Variants in ADCY1 observed in about 807,000 individuals in gnomAD.
The protein encoded by ADCY1 is adenylate cyclase type 1.
Under a neutral mutation model 105.4 loss-of-function variants are expected in ADCY1, and 28 were observed. The ratio of observed to expected loss-of-function variants is 0.27; its 90% CI spans 0.20 to 0.36. ADCY1 has a LOEUF of 0.36. ADCY1 is among the 10% of genes least tolerant of loss of function. The pLI is 1.00. For missense variants in ADCY1, 977 were observed against 1,434.2 expected, an observed-to-expected ratio of 0.68 and a Z score of 5.15; for synonymous variants, 655 against 623.8, an observed-to-expected ratio of 1.05 and a Z score of -0.75.
intron 8 of ADCY1, among the ~76,000 whole-genome samples, chr7:45,673,876 C>T (rs937259758): frequency 6.8e-6 from 1 of 148,116 alleles, no homozygotes; most frequent in South Asian, 2.1e-4. Context: ...TTTCTTTTTT[C>T]TTATGTAAGT....
intron 4 of ADCY1, 83 bp from the exon 5 acceptor site, chr7:45,648,587 T>C: frequency 6.4e-7 from 1 of 1,562,880 alleles, no homozygotes; most frequent in Admixed American, 1.7e-5. Context: ...TGGCCACCAG[T>C]GTCTAGAGGT....
upstream of ADCY1, chr7:45,574,198 G>A: frequency 1.0e-6 from 1 of 953,566 alleles, no homozygotes; most frequent in Non-Finnish European, 1.2e-6. The surrounding 1 kb of genome is among the most constrained non-coding windows in gnomAD (Gnocchi z 7.0). Context: ...GGTACTCGAG[G>A]TCACGCGGCT....
intron 8 of ADCY1, among the ~76,000 whole-genome samples, chr7:45,663,384 A>C (rs1441114573): frequency 2.0e-5 from 3 of 152,128 alleles, no homozygotes; most frequent in Admixed American, 6.5e-5. Flanking sequence ...ACAGACTGGG[A>C]CCACCTCAAA....
chr7:45,644,320 T>C (rs1321380249), intron 4 of ADCY1, among the ~76,000 whole-genome samples: 1 of 152,212 alleles, frequency 6.6e-6, no homozygotes, highest in Non-Finnish European at 1.5e-5. Context: ...CTTCTAGACG[T>C]TACCTCTGTG....
intron 3 of ADCY1, among the ~76,000 whole-genome samples, chr7:45,619,336 A>G (rs1382874137): frequency 1.3e-5 from 2 of 152,096 alleles, no homozygotes; most frequent in Non-Finnish European, 2.9e-5. Flanking sequence ...ATTTATTGCA[A>G]TTTTCAAGTA....
intron 5 of ADCY1, among the ~76,000 whole-genome samples, chr7:45,652,673 G>A (rs1384291420): frequency 6.6e-6 from 1 of 152,218 alleles, no homozygotes; most frequent in East Asian, 1.9e-4. Flanking sequence ...GAAGAGTCTA[G>A]GACCCGTTTT....
In ADCY1 at chr7:45,719,778, G is replaced by T. The variant is rs1259947634; in HGVS notation, c.*5783G>T. On this transcript the variant is annotated 3_prime_UTR_variant, in exon 20 of 20. Coordinates refer to ENST00000297323, the MANE Select transcript of ADCY1 (RefSeq NM_021116.4). The stretch of plus-strand genomic sequence containing the variant: ...TTGAATACAGTCAGATAACTGCCAC[G>T]CAGGGCATTTGGGGAACCATCCCCG... 6.6e-6 allele frequency: 1 copy of T among 152,190 alleles called. No homozygotes were observed. Among genetic ancestry groups the T allele is most frequent in the East Asian group, 1.9e-4 (1 of 5,184 alleles). The allele number at this position is 152,190 out of a possible 1,614,324, so 9.4% of individuals were successfully genotyped here. A position where few individuals can be genotyped will look rare whatever the true frequency, so the allele number is the denominator to read the frequency against.
intron 3 of ADCY1, among the ~76,000 whole-genome samples, chr7:45,614,101 C>G (rs1009921163): frequency 6.6e-6 from 1 of 152,036 alleles, no homozygotes; most frequent in African/African-American, 2.4e-5. Flanking sequence ...TTTTATACAT[C>G]AACAAATACA....
rs1318598489 is a variant in ADCY1 at position 45,686,252 on chromosome 7, G to A, written c.2327+37G>A. The A allele has an allele frequency of 6.3e-7, 1 of 1,598,558 alleles. No homozygotes were observed. Among genetic ancestry groups the A allele is most frequent in the South Asian group, 1.1e-5 (1 of 87,620 alleles). Reference sequence around the variant, plus strand: ...GCTCCTCAAGAAAAAGGCCTAAGCAGCGGTGCTACTGAATCTGTGTATACA... The same window carrying A: ...GCTCCTCAAGAAAAAGGCCTAAGCAACGGTGCTACTGAATCTGTGTATACA... On this transcript the variant is annotated intron_variant, in intron 13 of 19. Transcript: ENST00000297323. The surrounding 1 kb of genome is among the most constrained non-coding windows in gnomAD (Gnocchi z 4.3).
At chr7:45,694,015 A>G (rs1401747133) in intron 14 of ADCY1, among the ~76,000 whole-genome samples, 1 of 130,534 alleles carries the variant, frequency 7.7e-6, no homozygotes, top group African/African-American at 2.9e-5. Context: ...ACCTAATGCT[A>G]GATGACACAT....
intron 4 of ADCY1, among the ~76,000 whole-genome samples, chr7:45,623,744 G>T (rs1793972406): frequency 6.6e-6 from 1 of 152,210 alleles, no homozygotes; most frequent in South Asian, 2.1e-4. Context: ...GACTGTGCAG[G>T]AAGGGTCGGC....
At chr7:45,617,104 A>C (rs908030557) in intron 3 of ADCY1, among the ~76,000 whole-genome samples, 1 of 152,234 alleles carries the variant, frequency 6.6e-6, no homozygotes, top group Non-Finnish European at 1.5e-5. Context: ...GCAAGATGCC[A>C]TTTTTTAAAT....
intron 16 of ADCY1, 89 bp from the exon 17 acceptor site, chr7:45,704,429 G>A (rs1221249694): frequency 2.6e-5 from 28 of 1,086,938 alleles, no homozygotes; most frequent in Admixed American, 5.7e-5. Flanking sequence ...TGTGTCCATC[G>A]GCTCTGCTGT....
intron 7 of ADCY1, among the ~76,000 whole-genome samples, 161 bp from the exon 8 acceptor site, chr7:45,661,898 A>G (rs996982426): frequency 1.3e-5 from 2 of 151,928 alleles, no homozygotes; most frequent in African/African-American, 4.8e-5. Flanking sequence ...TTGCTGCTCT[A>G]TTCTGGGCAC....
chr7:45,680,046 TC>T lies in ADCY1; in HGVS notation c.1983+257del, dbSNP rs575889215. ...GGATAGGGGAGGCAGTTCTGTTCCC[TC>T]CCCTGCCTAGACAGGAAGAAAGAGT... On this transcript the variant is annotated intron_variant, in intron 11 of 19. Transcript: ENST00000297323. 1.8e-4 allele frequency among the ~76,000 whole-genome samples: 27 copies of T among 152,268 alleles called. No individual in the cohort carries two copies. The East Asian group carries it at 2.3e-3, about 13-fold the overall frequency.
rs146589787 is a variant in ADCY1 at position 45,694,924 on chromosome 7, A to G, written c.2454+8251A>G. Among the ~76,000 whole-genome samples, 207 of 152,296 alleles carry G rather than the reference A, an allele frequency of 1.4e-3. 1 individual carries two copies. The highest frequency in any genetic ancestry group is 4.5e-3 in the African/African-American group (186 of 41,566). ...TTGCCTAACCTGTGCTAATCCCTAGATGGTTCTTTCTCTAGCCTTTGCTAA... is the reference window on the plus strand; with the variant it reads ...TTGCCTAACCTGTGCTAATCCCTAGGTGGTTCTTTCTCTAGCCTTTGCTAA... On this transcript the variant is annotated intron_variant, in intron 14 of 19. Coordinates refer to ENST00000297323, the MANE Select transcript of ADCY1 (RefSeq NM_021116.4).
intron 1 of ADCY1, among the ~76,000 whole-genome samples, chr7:45,592,065 T>G (rs889137343): frequency 6.6e-6 from 1 of 151,920 alleles, no homozygotes; most frequent in Non-Finnish European, 1.5e-5. Context: ...TTTTTTTTTT[T>G]TGTGAACTCA....
intron 14 of ADCY1, among the ~76,000 whole-genome samples, chr7:45,696,257 T>A (rs1784879225): frequency 6.6e-6 from 1 of 151,448 alleles, no homozygotes; most frequent in Admixed American, 6.6e-5. Context: ...GCTAGCATTG[T>A]GAAATCCCGT....
intron 2 of ADCY1, among the ~76,000 whole-genome samples, chr7:45,595,558 C>T (rs190937735): frequency 5.3e-5 from 8 of 152,332 alleles, no homozygotes; most frequent in African/African-American, 1.2e-4. Context: ...CCCTCCGTCC[C>T]GTTACATTCT....
Sources: allele counts gnomAD v4.1 joint callset (sites outside exome capture counted in the v4.1 genomes callset), GRCh38; gene constraint gnomAD v4.1.1; non-coding constraint Gnocchi (gnomAD v3.1); transcripts MANE v1.5; gene names NCBI Gene and HGNC (gene_info 2026-07-23, HGNC 2026-07-21).